ANKRD36C: variants seen among roughly 807,000 people sequenced by gnomAD.
ANKRD36C encodes ankyrin repeat domain-containing protein 36C.
In ANKRD36C, 61 loss-of-function variants were observed where a neutral mutation model predicts 276.4. The ratio of observed to expected loss-of-function variants is 0.22; its 90% CI spans 0.18 to 0.27. ANKRD36C has a LOEUF of 0.27. Among genes scored for constraint, ANKRD36C ranks in the 10% least tolerant of loss-of-function variants. ANKRD36C has a pLI of 1.00. For missense variants in ANKRD36C, 1,447 were observed against 2,032.3 expected (o/e 0.71, Z 5.54); for synonymous variants, 483 against 680.1 (o/e 0.71, Z 4.51).
chr2:95,924,596 C>T (rs1677356899), intron 30 of ANKRD36C, among the ~76,000 whole-genome samples: 1 of 151,464 alleles, frequency 6.6e-6, no homozygotes, highest in Non-Finnish European at 1.5e-5. Context: ...ATGAAAAAGC[C>T]AGCACTTTGG....
At chr2:95,873,351 G>A (rs564513180) in intron 59 of ANKRD36C, among the ~76,000 whole-genome samples, 1 of 152,290 alleles carries the variant, frequency 6.6e-6, no homozygotes, top group South Asian at 2.1e-4. Flanking sequence ...TGGGATGCAA[G>A]GCTGCTTCAA....
At chr2:95,921,783 T>G (rs1677277877) in exon 33 of ANKRD36C, 1 of 1,602,384 alleles carries the variant, frequency 6.2e-7, no homozygotes. Context: ...TTTAATTACC[T>G]TCAAGGCTGG....
intron 65 of ANKRD36C, 68 bp downstream of exon 85, chr2:95,852,058 T>G (rs1675305504): frequency 5.4e-6 from 8 of 1,488,952 alleles, no homozygotes; most frequent in Non-Finnish European, 7.4e-6. Flanking sequence ...CTGATACAAT[T>G]TTCATACTAC....
At chr2:95,901,931 A>G (rs1676664527) in intron 42 of ANKRD36C, among the ~76,000 whole-genome samples, 1 of 149,438 alleles carries the variant, frequency 6.7e-6, no homozygotes, top group Non-Finnish European at 1.5e-5. Flanking sequence ...ACATACTTCT[A>G]CAAAGTCAAA....
intron 42 of ANKRD36C, 98 bp from the exon 47 acceptor site, chr2:95,908,795 T>C (rs1475727667): frequency 3.3e-6 from 5 of 1,517,586 alleles, no homozygotes; most frequent in Non-Finnish European, 4.5e-6. Flanking sequence ...TCCTCCTGCC[T>C]GTATTAGCGT....
At chr2:95,915,910 C>A in intron 38 of ANKRD36C, 70 bp downstream of exon 40, 1 of 1,508,872 alleles carries the variant, frequency 6.6e-7, no homozygotes, top group Non-Finnish European at 8.9e-7. Flanking sequence ...CAGCCCCCCA[C>A]TGATTTATTC....
At chr2:95,855,760 GACA>G in exon 63 of ANKRD36C, 4 of 1,613,800 alleles carry the variant, frequency 2.5e-6, no homozygotes, top group Non-Finnish European at 3.4e-6. Flanking sequence ...TCCTGTAAAT[GACA>G]ACATTTATCT....
exon 54 of ANKRD36C, chr2:95,884,235 T>A: frequency 6.2e-7 from 1 of 1,610,044 alleles, no homozygotes; most frequent in Non-Finnish European, 8.5e-7. Flanking sequence ...ATCTTTCTCA[T>A]CACCTGTAGC....
intron 6 of ANKRD36C, among the ~76,000 whole-genome samples, chr2:95,974,148 T>A (rs1428314431): frequency 6.6e-6 from 1 of 152,204 alleles, no homozygotes; most frequent in Non-Finnish European, 1.5e-5. Context: ...TTACCAATAT[T>A]TGAAGAAATA....
intron 38 of ANKRD36C, 139 bp from the exon 41 acceptor site, chr2:95,914,442 G>T (rs1677031241): frequency 8.7e-7 from 1 of 1,142,944 alleles, no homozygotes. Flanking sequence ...TTGTGTCTGG[G>T]GACTAGAACA....
chr2:95,875,536 G>C (rs1298429476), intron 59 of ANKRD36C, among the ~76,000 whole-genome samples: 2 of 114,190 alleles, frequency 1.8e-5, no homozygotes, highest in African/African-American at 3.3e-5. Context: ...GTTGTGGGGT[G>C]GGGGGAGGGG....
intron 34 of ANKRD36C, among the ~76,000 whole-genome samples, chr2:95,919,320 T>C (rs935408417): frequency 7.5e-6 from 1 of 133,206 alleles, no homozygotes; most frequent in African/African-American, 2.5e-5. Context: ...CCTTCTACAG[T>C]GTCTATAGGT....
exon 66 of ANKRD36C, chr2:95,851,781 T>C (rs763056000): frequency 3.8e-5 from 59 of 1,533,204 alleles, no homozygotes; most frequent in Non-Finnish European, 5.0e-5. Flanking sequence ...CATTTTCTAC[T>C]TCAAGCCTAA....
In ANKRD36C at chr2:95,873,731, T is replaced by A. The variant is rs552623372; in HGVS notation, c.3540+2708A>T. Among the ~76,000 whole-genome samples the A allele has an allele frequency of 2.0e-4, 30 of 152,320 alleles. No individual in the cohort carries two copies. The South Asian group carries it at 6.2e-3, about 32-fold the overall frequency. ...GGTATTCAATTAGGAAAAGAGGAAG[T>A]CAAATTGTCCCTGTTTGCAGATGAC... On this transcript the variant is annotated intron_variant, in intron 59 of 66. Transcript: ENST00000456556.
chr2:95,962,327 A>G lies in ANKRD36C; in HGVS notation c.901+25T>C, dbSNP rs780010827. The G allele has an allele frequency of 2.3e-5, 36 of 1,547,104 alleles. No individual in the cohort carries two copies. In the African/African-American group the frequency reaches 4.8e-4, roughly 21 times the overall value. ...TTCCCTTCTATCCTGAGTGAACATG[A>G]CATTAGATGTGTATTCCAAAATACC... On this transcript the variant is annotated intron_variant, in intron 8 of 66. Transcript: ENST00000456556.
At chr2:95,855,465 T>A (rs758193735) in exon 63 of ANKRD36C, 173 of 1,612,254 alleles carry the variant, frequency 1.1e-4, no homozygotes, top group Middle Eastern at 2.0e-4. Context: ...GTTGCGAGCA[T>A]CATCCAGTTG....
At chr2:95,937,267 G>C (rs1047032303) in intron 22 of ANKRD36C, among the ~76,000 whole-genome samples, 3 of 152,298 alleles carry the variant, frequency 2.0e-5, no homozygotes, top group African/African-American at 7.2e-5. Flanking sequence ...GCTCAATGCA[G>C]CAACATCTTC....
chr2:95,925,041 C>G (rs1172693441), intron 30 of ANKRD36C, among the ~76,000 whole-genome samples: 1 of 151,560 alleles, frequency 6.6e-6, no homozygotes, highest in Non-Finnish European at 1.5e-5. Flanking sequence ...TTTCTCCTTC[C>G]CCTCTCCATA....
chr2:95,970,328 A>G (rs570183630), intron 6 of ANKRD36C, among the ~76,000 whole-genome samples: 29 of 152,306 alleles, frequency 1.9e-4, no homozygotes, highest in African/African-American at 6.3e-4. Flanking sequence ...CCTTAAATTC[A>G]GCTTTCATTT....
Sources: allele counts gnomAD v4.1 joint callset (sites outside exome capture counted in the v4.1 genomes callset), GRCh38; gene constraint gnomAD v4.1.1; transcripts MANE v1.5; gene names NCBI Gene and HGNC (gene_info 2026-07-23, HGNC 2026-07-21).